The following WDR97 variants were observed in gnomAD, a reference collection of about 807,000 sequenced individuals.
The protein encoded by WDR97 is WD repeat-containing protein 97.
Under a neutral mutation model 65.4 loss-of-function variants are expected in WDR97, and 111 were observed. The ratio of observed to expected loss-of-function variants is 1.70; its 90% CI spans 1.45 to 1.99. WDR97 has a LOEUF of 1.99. Ranked by LOEUF, WDR97 falls within the 30% of genes most tolerant of loss-of-function variation. The probability of loss-of-function intolerance (pLI) is 0.00; values close to 1 mark genes in which losing one functional copy is unlikely to be tolerated. For synonymous variants in WDR97, 802 were observed against 397.7 expected, an observed-to-expected ratio of 2.02 and a Z score of -12.10; for missense variants, 1,674 against 865.0, an observed-to-expected ratio of 1.94 and a Z score of -11.73.
rs1039134896 is a variant in WDR97 at position 144,116,716 on chromosome 8, G to C, written c.*423G>C. ...GGGCGGTCCCAGGATGAGCCTTCCG[G>C]GTCGATGCAGGTGAGACCAGGAGTT... On this transcript the variant is annotated 3_prime_UTR_variant, in exon 24 of 24. Coordinates refer to ENST00000323662, the MANE Select transcript of WDR97 (RefSeq NM_001316309.2). 2 of 165,430 alleles carry C rather than the reference G, an allele frequency of 1.2e-5. No homozygotes were observed. The highest frequency in any genetic ancestry group is 2.6e-5 in the Non-Finnish European group (2 of 77,474). 10.2% of individuals were successfully genotyped at this position (165,430 alleles called of 1,614,324 possible).
chr8:144,112,466 G>T lies in WDR97; in HGVS notation c.3041G>T (p.Arg1014Ile). ...LQCRIPLLPKRWDKEPLSSLR... is the reference protein window; with the variant it reads ...LQCRIPLLPKIWDKEPLSSLR... ...CCCCAGATCCCACTGCTGCCAAAGA[G>T]ATGGGACAAGGAACCTCTCTCTAGC... The change falls in exon 15 of 24, where the codon AGA (arginine) becomes ATA (isoleucine). Residue 1014 changes from arginine to isoleucine, a missense_variant. Physicochemically the swap from Arg to Ile is moderately conservative, Grantham distance 97. Transcript: ENST00000323662. The T allele has an allele frequency of 1.4e-6, 1 of 702,700 alleles. No homozygotes were observed. The highest frequency in any genetic ancestry group is 2.7e-5 in the East Asian group (1 of 37,276). 43.5% of individuals were successfully genotyped at this position (702,700 alleles called of 1,614,324 possible).
chr8:144,114,531 CA>C, intron 19 of WDR97, 22 bp from the exon 20 acceptor site: 1 of 702,692 alleles, frequency 1.4e-6, no homozygotes, highest in Non-Finnish European at 2.6e-6. Context: ...CCTCAGCAAC[CA>C]CATCCCCACC....
At position 144,114,132 on chromosome 8, in the gene WDR97, C is replaced by T; in HGVS notation, c.3564C>T (p.Phe1188=). Residue 1188 remains phenylalanine (F), a synonymous_variant, in exon 18 of 24, where the codon TTC becomes TTT. Transcript: ENST00000323662. ...ATTTCTTCATCTACCAGACCTGGTT[C>T]AAAAAGTTGTTCCCCATCTTCAGCC... The part of the protein sequence containing the change: ...FLHFFIYQTW[F]KKLFPIFSLQ... 1 of 702,808 alleles carries T rather than the reference C, an allele frequency of 1.4e-6. No homozygotes were observed. Among genetic ancestry groups the T allele is most frequent in the Non-Finnish European group, 2.6e-6 (1 of 384,964 alleles). The allele number at this position is 702,808 out of a possible 1,614,324, so 43.5% of individuals were successfully genotyped here.
In WDR97 at chr8:144,116,428, C is replaced by G. The variant is rs1031821184; in HGVS notation, c.*135C>G. The G allele has an allele frequency of 2.2e-5, 12 of 546,312 alleles. No homozygotes were observed. The highest frequency in any genetic ancestry group is 1.7e-4 in the Admixed American group (5 of 29,856). The allele number at this position is 546,312 out of a possible 1,614,324, so 33.8% of individuals were successfully genotyped here. A position where few individuals can be genotyped will look rare whatever the true frequency, so the allele number is the denominator to read the frequency against. ...GCTTTGGAGGGCCCCGGGGTGCGCA[C>G]GGCGTGTGGGCGTGCGGCCTGAACC... On this transcript the variant is annotated 3_prime_UTR_variant, in exon 24 of 24. Coordinates refer to ENST00000323662, the MANE Select transcript of WDR97 (RefSeq NM_001316309.2).
Position 144,116,974 on chromosome 8 carries a change from G to T in WDR97, c.*681G>T, listed in dbSNP as rs555821781. The stretch of plus-strand genomic sequence containing the variant: ...AGAGTTCTTGGGGCAGCTCTGGGGG[G>T]AATCCCCGGCTTTTACACCTGTCTT... On this transcript the variant is annotated 3_prime_UTR_variant, in exon 24 of 24. Coordinates refer to ENST00000323662, the MANE Select transcript of WDR97 (RefSeq NM_001316309.2). 1.3e-5 allele frequency: 2 copies of T among 152,302 alleles called. No individual in the cohort carries two copies. Among genetic ancestry groups the T allele is most frequent in the Admixed American group, 1.3e-4 (2 of 15,288 alleles). 9.4% of individuals were successfully genotyped at this position (152,302 alleles called of 1,614,324 possible). A position where few individuals can be genotyped will look rare whatever the true frequency, so the allele number is the denominator to read the frequency against.
chr8:144,107,754 G>C lies in WDR97; in HGVS notation c.4G>C (p.Glu2Gln). M[E>Q]AEVWEAEGYN... ...CTCTGGGACCGCAGTTGCTGAAATG[G>C]AGGCAGAGGTGTGGGAGGCAGAAGG... Residue 2 changes from glutamate to glutamine, a missense_variant, in exon 1 of 24, where the codon GAG becomes CAG. By Grantham distance (29) the Glu-to-Gln change is conservative. Transcript: ENST00000323662. The C allele has an allele frequency of 1.4e-6, 1 of 702,866 alleles. No homozygotes were observed. The highest frequency in any genetic ancestry group is 1.5e-5 in the South Asian group (1 of 67,606). The allele number at this position is 702,866 out of a possible 1,614,324, so 43.5% of individuals were successfully genotyped here. A position where few individuals can be genotyped will look rare whatever the true frequency, so the allele number is the denominator to read the frequency against.
Position 144,113,977 on chromosome 8 carries a change from A to C in WDR97, c.3409A>C (p.Ser1137Arg). The C allele has an allele frequency of 1.4e-6, 1 of 702,292 alleles. No individual in the cohort carries two copies. The highest frequency in any genetic ancestry group is 2.6e-6 in the Non-Finnish European group (1 of 384,730). The allele number at this position is 702,292 out of a possible 1,614,324, so 43.5% of individuals were successfully genotyped here. Residue 1137 changes from serine to arginine, a missense_variant and splice_region_variant, in exon 18 of 24, where the codon AGT becomes CGT. By Grantham distance (110) the Ser-to-Arg change is moderately radical. Coordinates refer to ENST00000323662, the MANE Select transcript of WDR97 (RefSeq NM_001316309.2). ...QLDSWELEDQSAVDWTQEPRR... is the reference protein window; with the variant it reads ...QLDSWELEDQRAVDWTQEPRR... Reference sequence around the variant, plus strand: ...CCTGCAGCCACTGCTGCTCCCCTAGAGTGCTGTGGACTGGACCCAGGAGCC... The same window carrying C: ...CCTGCAGCCACTGCTGCTCCCCTAGCGTGCTGTGGACTGGACCCAGGAGCC...
In WDR97 at chr8:144,110,662, C is replaced by T. The variant is rs1836528175; in HGVS notation, c.2094C>T (p.Cys698=). ...PTDHITGLCC[C]PTLKLYACSS... Reference sequence around the variant, plus strand: ...CCCTGCCGCCAGGCCTGTGCTGCTGCCCCACGCTCAAACTGTATGCCTGCT... The same window carrying T: ...CCCTGCCGCCAGGCCTGTGCTGCTGTCCCACGCTCAAACTGTATGCCTGCT... The change falls in exon 8 of 24, where the codon TGC becomes TGT. Residue 698 remains cysteine, a synonymous_variant. Coordinates refer to ENST00000323662, the MANE Select transcript of WDR97 (RefSeq NM_001316309.2). 1 of 702,770 alleles carries T rather than the reference C, an allele frequency of 1.4e-6. No individual in the cohort carries two copies. Among genetic ancestry groups the T allele is most frequent in the East Asian group, 2.7e-5 (1 of 37,294 alleles). The allele number at this position is 702,770 out of a possible 1,614,324, so 43.5% of individuals were successfully genotyped here.
At chr8:144,111,074 G>A (rs1366686590) in intron 9 of WDR97, 27 bp from the exon 10 acceptor site, 2 of 702,760 alleles carry the variant, frequency 2.8e-6, no homozygotes, top group Admixed American at 2.0e-5. Context: ...CCCCCAGCCA[G>A]GGATACAGGC....
At position 144,114,462 on chromosome 8, in the gene WDR97, C is replaced by A; in HGVS notation, c.3779C>A (p.Pro1260His). 1.4e-6 allele frequency: 1 copy of A among 702,620 alleles called. No individual in the cohort carries two copies. Among genetic ancestry groups the A allele is most frequent in the Non-Finnish European group, 2.6e-6 (1 of 384,818 alleles). 43.5% of individuals were successfully genotyped at this position (702,620 alleles called of 1,614,324 possible). A position where few individuals can be genotyped will look rare whatever the true frequency, so the allele number is the denominator to read the frequency against. The change falls in exon 19 of 24, where the codon CCC becomes CAC. Residue 1260 changes from proline (P) to histidine (H), a missense_variant. Pro to His is a moderately conservative substitution (Grantham distance 77). Transcript: ENST00000323662. ...GTACACTTGCTCAACCTGGACCAGC[C>A]CCCCAGCCTCCAGGTGTGCCCCTTG... ...LLVHLLNLDQ[P>H]PSLQDQTQKK...
chr8:144,109,193 C>G, intron 4 of WDR97, 23 bp downstream of exon 4: 1 of 702,844 alleles, frequency 1.4e-6, no homozygotes, highest in Non-Finnish European at 2.6e-6. Flanking sequence ...CTCTGCACCC[C>G]GAGCCTCGGC....
In WDR97 at chr8:144,114,543, G is replaced by A. The variant is rs536507470; in HGVS notation, c.3793-11G>A. On this transcript the variant is annotated splice_polypyrimidine_tract_variant and intron_variant, in intron 19 of 23. Coordinates refer to ENST00000323662, the MANE Select transcript of WDR97 (RefSeq NM_001316309.2). Reference sequence around the variant, plus strand: ...GGCCCTCAGCAACCACATCCCCACCGCCTGCCTCAGGACCAGACACAGAAG... The same window carrying A: ...GGCCCTCAGCAACCACATCCCCACCACCTGCCTCAGGACCAGACACAGAAG... 55 of 701,652 alleles carry A rather than the reference G, an allele frequency of 7.8e-5. 1 individual carries two copies. Among genetic ancestry groups the A allele is most frequent in the African/African-American group, 6.2e-4 (35 of 56,852 alleles). The allele number at this position is 701,652 out of a possible 1,614,324, so 43.5% of individuals were successfully genotyped here.
chr8:144,110,788 C>T, intron 8 of WDR97, 49 bp downstream of exon 8: 1 of 702,542 alleles, frequency 1.4e-6, no homozygotes, highest in Non-Finnish European at 2.6e-6. Flanking sequence ...CTGCTCCTCA[C>T]CAGAGCCCAC....
rs372718448 is a variant in WDR97, at chr8:144,115,386, G to A, written c.4123G>A (p.Ala1375Thr). 1.1e-5 allele frequency: 7 copies of A among 624,598 alleles called. No individual in the cohort carries two copies. The highest frequency in any genetic ancestry group is 1.1e-4 in the East Asian group (4 of 36,206). 38.7% of individuals were successfully genotyped at this position (624,598 alleles called of 1,614,324 possible). A position where few individuals can be genotyped will look rare whatever the true frequency, so the allele number is the denominator to read the frequency against. Residue 1375 changes from alanine (A) to threonine (T), a missense_variant, in exon 22 of 24, where the codon GCC becomes ACC. Transcript: ENST00000323662. ...TSVVSGAPTR[A>T]SVIPSGTSWS... ...AGTGGTCTCTGGGGCACCCACACGC[G>A]CCTCCGTGATACCCTCGGGCACCTC...
In WDR97 at chr8:144,114,115, A is replaced by G. The variant is rs1332191354; in HGVS notation, c.3547A>G (p.Ile1183Val). 2 of 702,704 alleles carry G rather than the reference A, an allele frequency of 2.8e-6. No homozygotes were observed. Among genetic ancestry groups the G allele is most frequent in the African/African-American group, 3.5e-5 (2 of 57,260 alleles). The allele number at this position is 702,704 out of a possible 1,614,324, so 43.5% of individuals were successfully genotyped here. Residue 1183 changes from isoleucine to valine, a missense_variant, in exon 18 of 24, where the codon ATC becomes GTC. Physicochemically the swap from Ile to Val is conservative, Grantham distance 29. Transcript: ENST00000323662. ...TCTGCCCAAGTTTCTGCATTTCTTCATCTACCAGACCTGGTTCAAAAAGTT... is the reference window on the plus strand; with the variant it reads ...TCTGCCCAAGTTTCTGCATTTCTTCGTCTACCAGACCTGGTTCAAAAAGTT... ...GHLPKFLHFF[I>V]YQTWFKKLFP...
Position 144,112,292 on chromosome 8 carries a change from G to A in WDR97, c.2964G>A (p.Gln988=), listed in dbSNP as rs1427444420. 2 of 702,766 alleles carry A rather than the reference G, an allele frequency of 2.8e-6. No individual in the cohort carries two copies. The highest frequency in any genetic ancestry group is 2.7e-5 in the East Asian group (1 of 37,290). The allele number at this position is 702,766 out of a possible 1,614,324, so 43.5% of individuals were successfully genotyped here. Residue 988 remains glutamine, a synonymous_variant, in exon 14 of 24, where the codon CAG becomes CAA. Transcript: ENST00000323662. ...ISLDLQLQLE[Q]LRGRTTMALD... is the part of the protein sequence containing the mutation. Reference sequence around the variant, plus strand: ...TGGATCTGCAGCTGCAGTTGGAGCAGCTCCGAGGGAGGACGACCATGGCCC... The same window carrying A: ...TGGATCTGCAGCTGCAGTTGGAGCAACTCCGAGGGAGGACGACCATGGCCC...
At chr8:144,112,643 G>A (rs1836574070) in intron 15 of WDR97, 113 bp downstream of exon 15, 2 of 669,322 alleles carry the variant, frequency 3.0e-6, no homozygotes, top group South Asian at 3.2e-5. Flanking sequence ...CAAGGGCCAT[G>A]CCCACCTACA....
In WDR97 at chr8:144,115,483, C is replaced by T. The variant is rs1188608176; in HGVS notation, c.4220C>T (p.Ala1407Val). Residue 1407 changes from alanine (A) to valine (V), a missense_variant, in exon 22 of 24, where the codon GCG (alanine) becomes GTG (valine). Physicochemically the swap from Ala to Val is moderately conservative, Grantham distance 64. Coordinates refer to ENST00000323662, the MANE Select transcript of WDR97 (RefSeq NM_001316309.2). ...SEVPLMVVSP[A>V]EPHSLAPELQ... ...GTGCCTTTGATGGTGGTCTCACCTG[C>T]GGAGCCGCACTCTTTAGCCCCGGAG... 4 of 694,686 alleles carry T rather than the reference C, an allele frequency of 5.8e-6. No individual in the cohort carries two copies. Among genetic ancestry groups the T allele is most frequent in the Admixed American group, 2.0e-5 (1 of 49,042 alleles). 43.0% of individuals were successfully genotyped at this position (694,686 alleles called of 1,614,324 possible).
chr8:144,110,856 C>A lies in WDR97; in HGVS notation c.2172-8C>A. On this transcript the variant is annotated splice_region_variant and splice_polypyrimidine_tract_variant and intron_variant, in intron 8 of 23. Coordinates refer to ENST00000323662, the MANE Select transcript of WDR97 (RefSeq NM_001316309.2). ...GCTGAGCCTCGGCTGCCCTGGGTGC[C>A]TCTCCAGGCTCCTGCAGCTGAATGG... 1.4e-6 allele frequency: 1 copy of A among 702,818 alleles called. No homozygotes were observed. The highest frequency in any genetic ancestry group is 2.7e-5 in the East Asian group (1 of 37,278). The allele number at this position is 702,818 out of a possible 1,614,324, so 43.5% of individuals were successfully genotyped here.
Sources: gnomAD v4.1 joint callset for allele counts on GRCh38, gnomAD v4.1.1 for gene constraint, MANE v1.5 for transcripts, NCBI Gene and HGNC (gene_info 2026-07-23, HGNC 2026-07-21) for gene names.